WDR7: variants seen among roughly 807,000 people sequenced by gnomAD.
WDR7 encodes the protein WD repeat domain 7.
A neutral mutation model predicts 169.4 loss-of-function variants in WDR7; 46 were observed. That is an observed-to-expected ratio of 0.27 (90% confidence interval 0.21 to 0.35). The LOEUF is 0.35. WDR7 is among the 10% of genes least tolerant of loss of function. The pLI, the probability that WDR7 is intolerant of heterozygous loss-of-function variation, is 1.00. For missense variants in WDR7, 1,534 were observed against 1,859.3 expected (o/e 0.83, Z 3.22); for synonymous variants, 612 against 666.8 (o/e 0.92, Z 1.27).
intron 26 of WDR7, among the ~76,000 whole-genome samples, chr18:57,006,936 T>C (rs2145903757): frequency 6.6e-6 from 1 of 152,226 alleles, no homozygotes; most frequent in African/African-American, 2.4e-5. Context: ...CATCCACAAA[T>C]ATATACAAGT....
chr18:56,926,228 G>C (rs2145652322), intron 22 of WDR7, among the ~76,000 whole-genome samples: 1 of 152,286 alleles, frequency 6.6e-6, no homozygotes, highest in East Asian at 1.9e-4. Flanking sequence ...GTACGAGGCA[G>C]CTGGCCTTTG....
intron 26 of WDR7, among the ~76,000 whole-genome samples, chr18:57,006,587 A>G (rs1242956673): frequency 2.6e-5 from 4 of 152,230 alleles, no homozygotes; most frequent in Non-Finnish European, 5.9e-5. Context: ...AGAACATTAA[A>G]TAGATATTCC....
chr18:56,757,826 GGCATGGTGGTTACAT>G (rs1310777816), intron 15 of WDR7, among the ~76,000 whole-genome samples: 2 of 151,994 alleles, frequency 1.3e-5, no homozygotes, highest in Admixed American at 1.3e-4. Flanking sequence ...TAATTAGCTG[GGCATGGTGGTTACAT>G]GCATGTAGTC....
intron 13 of WDR7, among the ~76,000 whole-genome samples, chr18:56,722,833 C>T (rs541490083): frequency 1.3e-5 from 2 of 152,136 alleles, no homozygotes; most frequent in South Asian, 4.1e-4. Flanking sequence ...TTCCAGTGTA[C>T]CATTGTAATT....
rs780598598 is a variant in WDR7, at chr18:56,731,577, G to T, written c.1969G>T (p.Ala657Ser). 1 of 1,613,884 alleles carries T rather than the reference G, an allele frequency of 6.2e-7. No individual in the cohort carries two copies. Among genetic ancestry groups the T allele is most frequent in the Non-Finnish European group, 8.5e-7 (1 of 1,180,004 alleles). The change falls in exon 14 of 28, where the codon GCT (alanine) becomes TCT (serine). Residue 657 changes from alanine (A) to serine (S), a missense_variant. Ala to Ser is a moderately conservative substitution (Grantham distance 99). Transcript: ENST00000254442. The part of the protein sequence containing the change: ...KLQTLATNLL[A>S]SEASDKGNLP... ...ACAAACCCTTGCAACTAACCTCTTG[G>T]CTTCTGAGGCATCTGACAAGGTAAG... is the stretch of plus-strand genomic sequence containing the variant.
At chr18:56,846,350 G>T (rs1327596584) in intron 20 of WDR7, among the ~76,000 whole-genome samples, 1 of 151,976 alleles carries the variant, frequency 6.6e-6, no homozygotes, top group Non-Finnish European at 1.5e-5. Flanking sequence ...AAGGACCCAG[G>T]GGGAGGTAAT....
intron 21 of WDR7, among the ~76,000 whole-genome samples, chr18:56,909,154 C>T (rs2046520477): frequency 6.6e-6 from 1 of 152,116 alleles, no homozygotes; most frequent in Non-Finnish European, 1.5e-5. Context: ...CAAGATCAAA[C>T]AGTTACCAAA....
chr18:56,832,032 G>A (rs904477792), intron 20 of WDR7, among the ~76,000 whole-genome samples: 1 of 152,110 alleles, frequency 6.6e-6, no homozygotes, highest in Non-Finnish European at 1.5e-5. Context: ...CCAGGGAGCC[G>A]AGTGATCTTG....
chr18:56,861,116 G>A (rs1268644224), intron 20 of WDR7, among the ~76,000 whole-genome samples: 1 of 66,956 alleles, frequency 1.5e-5, no homozygotes, highest in Non-Finnish European at 3.2e-5. Flanking sequence ...AACAGCGAAA[G>A]TACAGTTTAT....
At chr18:56,913,576 C>A (rs1263843217) in intron 21 of WDR7, among the ~76,000 whole-genome samples, 2 of 149,466 alleles carry the variant, frequency 1.3e-5, no homozygotes, top group African/African-American at 5.0e-5. Flanking sequence ...CACTCAAGCC[C>A]AGGAGTTTGA....
chr18:56,908,537 A>G (rs987983921), intron 21 of WDR7, among the ~76,000 whole-genome samples: 1 of 152,194 alleles, frequency 6.6e-6, no homozygotes, highest in Admixed American at 6.5e-5. Flanking sequence ...TATTACTTTC[A>G]AACAAGTATT....
intron 20 of WDR7, among the ~76,000 whole-genome samples, chr18:56,860,584 A>G (rs1244711185): frequency 6.6e-6 from 1 of 152,160 alleles, no homozygotes; most frequent in Admixed American, 6.6e-5. Context: ...TCAGGAAAAA[A>G]CTCATTAGGA....
chr18:57,022,197 G>C (rs1194167664), intron 27 of WDR7, among the ~76,000 whole-genome samples: 2 of 152,206 alleles, frequency 1.3e-5, no homozygotes, highest in African/African-American at 4.8e-5. Context: ...TGCAGCAGTG[G>C]TTCTTTAAGG....
intron 14 of WDR7, among the ~76,000 whole-genome samples, chr18:56,744,245 GAAAAAAAAA>G (rs58110613): frequency 3.5e-4 from 30 of 86,882 alleles, no homozygotes; most frequent in Non-Finnish European, 5.2e-4. Context: ...TCTCAAAAAA[GAAAAAAAAA>G]AAAAAAAAAA....
intron 19 of WDR7, among the ~76,000 whole-genome samples, chr18:56,784,565 C>T (rs567736277): frequency 1.3e-5 from 2 of 152,284 alleles, no homozygotes; most frequent in African/African-American, 2.4e-5. Flanking sequence ...GCTCTGGCAT[C>T]CTTGGATCTT....
chr18:56,916,948 A>G (rs1345074246), intron 21 of WDR7, among the ~76,000 whole-genome samples: 1 of 151,936 alleles, frequency 6.6e-6, no homozygotes, highest in African/African-American at 2.4e-5. Context: ...CTGTAATCCC[A>G]GTACTTTGGG....
chr18:56,941,774 T>C (rs2047038465), intron 25 of WDR7, among the ~76,000 whole-genome samples: 1 of 152,212 alleles, frequency 6.6e-6, no homozygotes, highest in Non-Finnish European at 1.5e-5. Context: ...GGGTTTTCTC[T>C]GGGTACTCTG....
intron 12 of WDR7, among the ~76,000 whole-genome samples, chr18:56,711,030 TA>T (rs1323172095): frequency 2.6e-5 from 4 of 151,886 alleles, no homozygotes; most frequent in South Asian, 2.1e-4. Flanking sequence ...TTTTTTTTTT[TA>T]AAAGACATTT....
chr18:56,739,303 A>C (rs2043576545), intron 14 of WDR7, among the ~76,000 whole-genome samples: 1 of 152,072 alleles, frequency 6.6e-6, no homozygotes, highest in Admixed American at 6.5e-5. Context: ...TTTTTGCCCT[A>C]GAGATTGTAA....
Sources: allele counts gnomAD v4.1 joint callset (sites outside exome capture counted in the v4.1 genomes callset), GRCh38; gene constraint gnomAD v4.1.1; transcripts MANE v1.5; gene names NCBI Gene and HGNC (gene_info 2026-07-23, HGNC 2026-07-21).